Variants in ZSCAN26 observed in about 807,000 individuals in gnomAD.
The protein encoded by ZSCAN26 is zinc finger and SCAN domain containing 26.
In ZSCAN26, 26 loss-of-function variants were observed where a neutral mutation model predicts 23.0. The ratio of observed to expected loss-of-function variants is 1.13; its 90% CI spans 0.83 to 1.57. ZSCAN26 has a LOEUF of 1.57. Among genes scored for constraint, ZSCAN26 ranks in the 40% most tolerant of loss-of-function variants. The probability of loss-of-function intolerance (pLI) is 0.00; values close to 1 mark genes in which losing one functional copy is unlikely to be tolerated. For missense variants in ZSCAN26, 528 were observed against 568.5 expected, an observed-to-expected ratio of 0.93 and a Z score of 0.72; for synonymous variants, 180 against 202.5, an observed-to-expected ratio of 0.89 and a Z score of 0.94.
chr6:28,269,308 G>T (rs1450568804), intron 1 of ZSCAN26, among the ~76,000 whole-genome samples: 2 of 151,676 alleles, frequency 1.3e-5, no homozygotes, highest in South Asian at 2.1e-4. Flanking sequence ...ACGAATACAG[G>T]TATATATACC....
rs1761709488 is a variant in ZSCAN26, at chr6:28,272,044, G to A, written c.125G>A (p.Ser42Asn). 8.4e-6 allele frequency: 13 copies of A among 1,552,978 alleles called. No individual in the cohort carries two copies. The highest frequency in any genetic ancestry group is 1.1e-5 in the Non-Finnish European group (13 of 1,147,614). Residue 42 changes from serine to asparagine, a missense_variant, in exon 2 of 4, where the codon AGT becomes AAT. Ser to Asn is a conservative substitution (Grantham distance 46, BLOSUM62 1). Transcript: ENST00000421553. ...WEQGFKLQGNSKGLGQEPLCK... is the reference protein window; with the variant it reads ...WEQGFKLQGNNKGLGQEPLCK... ...CAGGGATTCAAGCTGCAAGGAAACAGTAAAGGCCTTGGACAGGAGCCATTG... is the reference window on the plus strand; with the variant it reads ...CAGGGATTCAAGCTGCAAGGAAACAATAAAGGCCTTGGACAGGAGCCATTG...
chr6:28,271,053 A>G (rs576148954), intron 1 of ZSCAN26, among the ~76,000 whole-genome samples: 1 of 152,230 alleles, frequency 6.6e-6, no homozygotes, highest in Non-Finnish European at 1.5e-5. Context: ...AGGTCACAAC[A>G]TGTAAGTGAC....
intron 1 of ZSCAN26, among the ~76,000 whole-genome samples, chr6:28,268,867 C>A (rs907269091): frequency 6.6e-6 from 1 of 152,146 alleles, no homozygotes; most frequent in African/African-American, 2.4e-5. Context: ...AATCCCAGCA[C>A]TTCGGGAGGC....
Position 28,276,267 on chromosome 6 carries a change from G to A in ZSCAN26, c.611G>A (p.Gly204Glu), listed in dbSNP as rs766792794. 6.9e-5 allele frequency: 111 copies of A among 1,613,918 alleles called. 4 individuals are homozygous for A. The Middle Eastern group carries it at 4.8e-3, about 70-fold the overall frequency. The change falls in exon 4 of 4, where the codon GGG becomes GAG. Residue 204 changes from glycine (G) to glutamate (E), a missense_variant. Physicochemically the swap from Gly to Glu is moderately conservative, Grantham distance 98. Transcript: ENST00000421553. ...TCTTGTGGAAGAGTAGAGTCATCTG[G>A]GAAAATATCTGAACCCATGGAGGCT... is the stretch of plus-strand genomic sequence containing the variant. ...TDSCGRVESS[G>E]KISEPMEAHN...
intron 1 of ZSCAN26, among the ~76,000 whole-genome samples, chr6:28,269,712 C>T (rs1183999091): frequency 6.6e-6 from 1 of 152,190 alleles, no homozygotes; most frequent in Non-Finnish European, 1.5e-5. Flanking sequence ...AGGGATGAGT[C>T]AGCCTTTTTG....
intron 3 of ZSCAN26, among the ~76,000 whole-genome samples, chr6:28,274,701 C>A (rs947735533): frequency 1.3e-5 from 2 of 152,172 alleles, no homozygotes; most frequent in African/African-American, 4.8e-5. Flanking sequence ...GTGATTGCAC[C>A]ACTGTACTCC....
chr6:28,272,882 CTTTTG>C, intron 3 of ZSCAN26, 95 bp downstream of exon 3: 1 of 1,054,852 alleles, frequency 9.5e-7, no homozygotes, highest in South Asian at 1.6e-5. Flanking sequence ...TTGTTTTTTG[CTTTTG>C]TTTTGAGTCA....
At position 28,271,934 on chromosome 6, in the gene ZSCAN26, G is replaced by T; in HGVS notation, c.15G>T (p.Leu5Phe). 4 of 1,551,230 alleles carry T rather than the reference G, an allele frequency of 2.6e-6. No individual in the cohort carries two copies. The highest frequency in any genetic ancestry group is 3.5e-6 in the Non-Finnish European group (4 of 1,146,722). MATA[L>F]VSAHSLAPLN... The stretch of plus-strand genomic sequence containing the variant: ...TGAAGCTGGGGATGGCAACAGCATT[G>T]GTGAGTGCCCATTCCCTGGCTCCCC... Residue 5 changes from leucine (L) to phenylalanine (F), a missense_variant, in exon 2 of 4, where the codon TTG becomes TTT. Leu to Phe is a conservative substitution (Grantham distance 22). Coordinates refer to ENST00000421553, the MANE Select transcript of ZSCAN26 (RefSeq NM_001023560.4).
chr6:28,271,143 A>G (rs1761663690), intron 1 of ZSCAN26, among the ~76,000 whole-genome samples: 1 of 152,158 alleles, frequency 6.6e-6, no homozygotes, highest in East Asian at 1.9e-4. Flanking sequence ...GACCTCCTTG[A>G]CCTTCTGGAT....
chr6:28,273,861 G>A (rs1481968006), intron 3 of ZSCAN26, among the ~76,000 whole-genome samples: 1 of 151,864 alleles, frequency 6.6e-6, no homozygotes, highest in Non-Finnish European at 1.5e-5. Flanking sequence ...GGGACTACCG[G>A]TGTGTGTGCC....
rs376665599 is a variant in ZSCAN26, at chr6:28,277,050, G to A, written c.1394G>A (p.Gly465Asp). 2.1e-5 allele frequency: 34 copies of A among 1,613,772 alleles called. No homozygotes were observed. The highest frequency in any genetic ancestry group is 2.8e-5 in the Non-Finnish European group (33 of 1,179,866). The change falls in exon 4 of 4, where the codon GGT becomes GAT. Residue 465 changes from glycine (G) to aspartate (D), a missense_variant. By Grantham distance (94) the Gly-to-Asp change is moderately conservative (BLOSUM62 -1). Transcript: ENST00000421553. ...ECGEAFRQRS[G>D]LFQHQRYHHK... ...GGAGAAGCCTTCAGGCAAAGGTCAG[G>A]TCTTTTTCAACATCAGAGATATCAC...
chr6:28,271,955 T>A lies in ZSCAN26; in HGVS notation c.36T>A (p.Ala12=). 6.4e-7 allele frequency: 1 copy of A among 1,551,588 alleles called. No individual in the cohort carries two copies. The highest frequency in any genetic ancestry group is 1.2e-5 in the South Asian group (1 of 84,054). ...CATTGGTGAGTGCCCATTCCCTGGC[T>A]CCCCTGAATCTGAAGAAGGAGGGGC... is the stretch of plus-strand genomic sequence containing the variant. ...ATALVSAHSL[A]PLNLKKEGLR... Residue 12 remains alanine (A), a synonymous_variant, in exon 2 of 4, where the codon GCT becomes GCA. Transcript: ENST00000421553.
intron 3 of ZSCAN26, among the ~76,000 whole-genome samples, chr6:28,274,711 C>T (rs2113724538): frequency 6.6e-6 from 1 of 152,306 alleles, no homozygotes; most frequent in South Asian, 2.1e-4. Context: ...CACTGTACTC[C>T]AGCGTTGGCA....
At chr6:28,269,966 C>T (rs1165668537) in intron 1 of ZSCAN26, among the ~76,000 whole-genome samples, 1 of 152,024 alleles carries the variant, frequency 6.6e-6, no homozygotes, top group Non-Finnish European at 1.5e-5. Context: ...TTTTTTGAGA[C>T]AGAGTCTCAC....
chr6:28,270,686 ATCTT>A (rs1382449169), intron 1 of ZSCAN26, among the ~76,000 whole-genome samples: 1 of 152,218 alleles, frequency 6.6e-6, no homozygotes, highest in Non-Finnish European at 1.5e-5. Flanking sequence ...TTTCTGCCCT[ATCTT>A]TCTTGTTCCA....
rs1761959601 is a variant in ZSCAN26, at chr6:28,276,765, A to G, written c.1109A>G (p.Lys370Arg). Residue 370 changes from lysine to arginine, a missense_variant, in exon 4 of 4, where the codon AAG (lysine) becomes AGG (arginine). By Grantham distance (26) the Lys-to-Arg change is conservative. Transcript: ENST00000421553. ...IHSQEEPCEC[K>R]ECGKTFSQAL... is the part of the protein sequence containing the mutation. ...AGTCAGGAGGAGCCCTGTGAGTGCA[A>G]GGAGTGTGGAAAAACCTTTAGTCAG... 3 of 1,613,870 alleles carry G rather than the reference A, an allele frequency of 1.9e-6. No individual in the cohort carries two copies. The highest frequency in any genetic ancestry group is 1.3e-5 in the African/African-American group (1 of 74,918).
intron 1 of ZSCAN26, among the ~76,000 whole-genome samples, chr6:28,270,913 C>G (rs1371125024): frequency 6.6e-6 from 1 of 152,178 alleles, no homozygotes; most frequent in East Asian, 1.9e-4. Flanking sequence ...CATATCATTT[C>G]CCTTATAAAT....
chr6:28,272,821 CGTG>C, intron 3 of ZSCAN26, 34 bp downstream of exon 3: 1 of 1,556,474 alleles, frequency 6.4e-7, no homozygotes, highest in Non-Finnish European at 8.8e-7. Context: ...GTGTGTGAGA[CGTG>C]GTGGACTGTG....
chr6:28,276,533 C>T lies in ZSCAN26; in HGVS notation c.877C>T (p.Gln293Ter), dbSNP rs1484160993. 1 of 1,613,574 alleles carries T rather than the reference C, an allele frequency of 6.2e-7. No homozygotes were observed. Among genetic ancestry groups the T allele is most frequent in the Non-Finnish European group, 8.5e-7 (1 of 1,179,756 alleles). Residue 293 changes from glutamine (Q) to a stop codon, truncating the protein, a stop_gained, in exon 4 of 4, where the codon CAG becomes TAG. Transcript: ENST00000421553. LOFTEE classifies it low-confidence loss of function (END_TRUNC). ...GTGTCATGAGTGTGGGAAAGCCTTTCAGAGGAGTTCACACCTCGTCAGACA... is the reference window on the plus strand; with the variant it reads ...GTGTCATGAGTGTGGGAAAGCCTTTTAGAGGAGTTCACACCTCGTCAGACA... ...HQCHECGKAF[Q>*]RSSHLVRHQK...
Sources: allele counts gnomAD v4.1 joint callset (sites outside exome capture counted in the v4.1 genomes callset), GRCh38; gene constraint gnomAD v4.1.1; transcripts MANE v1.5; gene names NCBI Gene and HGNC (gene_info 2026-07-23, HGNC 2026-07-21).